The following MS4A13 variants were observed in gnomAD, a reference collection of about 807,000 sequenced individuals.
The protein encoded by MS4A13 is membrane-spanning 4-domains subfamily A member 13.
In MS4A13, 21 loss-of-function variants were observed where a neutral mutation model predicts 18.4. That is an observed-to-expected ratio of 1.14 (90% CI 0.81 to 1.64). The LOEUF is 1.64. MS4A13 is among the 40% of genes most tolerant of loss of function. MS4A13 has a pLI of 0.00. For synonymous variants in MS4A13, 62 were observed against 57.2 expected (o/e 1.08, Z -0.38); for missense variants, 173 against 176.8 (o/e 0.98, Z 0.12).
chr11:60,519,761 A>G (rs961030218), intron 3 of MS4A13, among the ~76,000 whole-genome samples: 1 of 152,204 alleles, frequency 6.6e-6, no homozygotes, highest in African/African-American at 2.4e-5. Flanking sequence ...GCAAGTGGAT[A>G]TAGGGCAGTG....
At chr11:60,527,875 A>G (rs1161643428) in intron 5 of MS4A13, among the ~76,000 whole-genome samples, 1 of 152,130 alleles carries the variant, frequency 6.6e-6, no homozygotes, top group East Asian at 1.9e-4. Flanking sequence ...AATAAGGAAT[A>G]TGGGTAAAAT....
At chr11:60,541,463 G>A (rs1348208204) in intron 6 of MS4A13, among the ~76,000 whole-genome samples, 1 of 152,092 alleles carries the variant, frequency 6.6e-6, no homozygotes, top group Non-Finnish European at 1.5e-5. Flanking sequence ...TTAACATCAT[G>A]GATGGATCTT....
chr11:60,520,593 T>C (rs952277345), intron 3 of MS4A13, among the ~76,000 whole-genome samples: 9 of 152,242 alleles, frequency 5.9e-5, no homozygotes, highest in Non-Finnish European at 1.3e-4. Flanking sequence ...TTTGACTCCA[T>C]GTCTCACATC....
chr11:60,540,697 A>C (rs913218040), intron 6 of MS4A13, among the ~76,000 whole-genome samples: 23 of 152,204 alleles, frequency 1.5e-4, no homozygotes, highest in Admixed American at 1.5e-3. Flanking sequence ...CCATATTCCC[A>C]GCATTTTGGG....
intron 3 of MS4A13, among the ~76,000 whole-genome samples, chr11:60,523,165 G>A (rs2086689165): frequency 6.6e-6 from 1 of 152,102 alleles, no homozygotes; most frequent in Non-Finnish European, 1.5e-5. Context: ...ATTATCCATG[G>A]GAAGTTTGTA....
chr11:60,515,769 G>A (rs2086633336), intron 1 of MS4A13, 162 bp downstream of exon 1: 1 of 152,230 alleles, frequency 6.6e-6, no homozygotes, highest in Admixed American at 6.5e-5. Flanking sequence ...TAGTCATAGA[G>A]AGAGACTTTT....
At position 60,516,758 on chromosome 11, in the gene MS4A13, C is replaced by G. The variant is rs1016008164; in HGVS notation, c.-13+674C>G. ...AAGAATCATTTTTAAATAAGAAAAC[C>G]TATCTTGTCCTTCTCCACACACTGG... On this transcript the variant is annotated intron_variant, in intron 2 of 6. Coordinates refer to ENST00000378186, the MANE Select transcript of MS4A13 (RefSeq NM_001012417.3). Among the ~76,000 whole-genome samples, 12 of 152,236 alleles carry G rather than the reference C, an allele frequency of 7.9e-5. 1 individual carries two copies. Among genetic ancestry groups the G allele is most frequent in the African/African-American group, 2.9e-4 (12 of 41,538 alleles).
intron 2 of MS4A13, among the ~76,000 whole-genome samples, chr11:60,516,676 C>T (rs1213729159): frequency 2.0e-5 from 3 of 151,640 alleles, no homozygotes; most frequent in Admixed American, 2.0e-4. Flanking sequence ...ATTTTTTTTC[C>T]CTGGGGGCAG....
chr11:60,542,416 T>C (rs959119329), intron 6 of MS4A13, 103 bp from the exon 7 acceptor site: 2 of 654,554 alleles, frequency 3.1e-6, no homozygotes, highest in African/African-American at 3.6e-5. Context: ...TTTCACTCTA[T>C]AAATATCAGT....
rs1415005534 is a variant in MS4A13, at chr11:60,516,098, TTGAC to T, written c.-13+16_-13+19del. The stretch of plus-strand genomic sequence containing the variant: ...CTCGTTTTAGGGGTAAGATTTCACT[TTGAC>T]TAACTAAATTTAAGATCATGAACTA... On this transcript the variant is annotated intron_variant, in intron 2 of 6. Coordinates refer to ENST00000378186, the MANE Select transcript of MS4A13 (RefSeq NM_001012417.3). 4 of 152,194 alleles carry T rather than the reference TTGAC, an allele frequency of 2.6e-5. No individual in the cohort carries two copies. Among genetic ancestry groups the T allele is most frequent in the African/African-American group, 4.8e-5 (2 of 41,460 alleles). 9.4% of individuals were successfully genotyped at this position (152,194 alleles called of 1,614,324 possible). A position where few individuals can be genotyped will look rare whatever the true frequency, so the allele number is the denominator to read the frequency against.
intron 6 of MS4A13, among the ~76,000 whole-genome samples, chr11:60,531,092 G>A (rs944756429): frequency 5.9e-5 from 9 of 152,122 alleles, no homozygotes; most frequent in African/African-American, 1.4e-4. Context: ...ATTCCGTTAC[G>A]CAGAAGTTTA....
At chr11:60,540,304 G>T (rs1337518430) in intron 6 of MS4A13, among the ~76,000 whole-genome samples, 1 of 152,142 alleles carries the variant, frequency 6.6e-6, no homozygotes, top group South Asian at 2.1e-4. Flanking sequence ...GGCTAGATTT[G>T]GTCCATGTAT....
At chr11:60,539,353 A>G (rs1372382086) in intron 6 of MS4A13, among the ~76,000 whole-genome samples, 1 of 152,050 alleles carries the variant, frequency 6.6e-6, no homozygotes, top group Non-Finnish European at 1.5e-5. Context: ...AAAAACCACT[A>G]GAGGAACTCA....
intron 5 of MS4A13, among the ~76,000 whole-genome samples, chr11:60,525,704 G>A (rs574118500): frequency 2.6e-5 from 4 of 152,234 alleles, no homozygotes; most frequent in African/African-American, 7.2e-5. Context: ...GGTTCAAATT[G>A]TAGACACCTA....
At chr11:60,525,977 A>G (rs1227735147) in intron 5 of MS4A13, among the ~76,000 whole-genome samples, 1 of 152,074 alleles carries the variant, frequency 6.6e-6, no homozygotes, top group Non-Finnish European at 1.5e-5. Flanking sequence ...AGTGAGGACA[A>G]ATTGGAGTGA....
chr11:60,527,625 C>T lies in MS4A13; in HGVS notation c.307-1740C>T, dbSNP rs535697585. Among the ~76,000 whole-genome samples the T allele has an allele frequency of 9.9e-5, 15 of 152,106 alleles. No homozygotes were observed. In the South Asian group the frequency reaches 3.1e-3, roughly 32 times the overall value. On this transcript the variant is annotated intron_variant, in intron 5 of 6. Coordinates refer to ENST00000378186, the MANE Select transcript of MS4A13 (RefSeq NM_001012417.3). Reference sequence around the variant, plus strand: ...CCAAGGCAGGCGGATCACTTGAGATCAGATGTTCGAGACCAGCCTGGCCAA... The same window carrying T: ...CCAAGGCAGGCGGATCACTTGAGATTAGATGTTCGAGACCAGCCTGGCCAA...
At chr11:60,518,575 T>C (rs1306149826) in intron 3 of MS4A13, among the ~76,000 whole-genome samples, 1 of 152,230 alleles carries the variant, frequency 6.6e-6, no homozygotes, top group African/African-American at 2.4e-5. Context: ...ACTCATTTTC[T>C]AAATTTTTCA....
chr11:60,518,271 G>T, intron 3 of MS4A13, 59 bp downstream of exon 3: 3 of 1,394,052 alleles, frequency 2.2e-6, no homozygotes, highest in Non-Finnish European at 2.9e-6. Flanking sequence ...CATGCCAATA[G>T]TAGAAGGTAG....
intron 5 of MS4A13, among the ~76,000 whole-genome samples, chr11:60,528,752 C>A (rs1030133911): frequency 6.6e-6 from 1 of 152,128 alleles, no homozygotes; most frequent in Non-Finnish European, 1.5e-5. Flanking sequence ...ACTAACCAAT[C>A]GGATTTGTAG....
Sources: gnomAD v4.1 joint callset for allele counts (sites outside exome capture counted in the v4.1 genomes callset) on GRCh38, gnomAD v4.1.1 for gene constraint, MANE v1.5 for transcripts, NCBI Gene and HGNC (gene_info 2026-07-23, HGNC 2026-07-21) for gene names.